The following ARSD variants were observed in gnomAD, a reference collection of about 807,000 sequenced individuals.
ARSD encodes arylsulfatase D.
ARSD carries 21 observed loss-of-function variants against 32.6 expected under a neutral mutation model. That is an observed-to-expected ratio of 0.64 (90% CI 0.46 to 0.93). The LOEUF is 0.93. ARSD is among the 40% of genes least tolerant of loss of function. The probability of loss-of-function intolerance (pLI) is 0.00; values close to 1 mark genes in which losing one functional copy is unlikely to be tolerated. For synonymous variants in ARSD, 224 were observed against 237.4 expected (o/e 0.94, Z 0.52); for missense variants, 454 against 520.9 (o/e 0.87, Z 1.25).
chrX:2,928,145 A>G (rs2089104087), intron 1 of ARSD, among the ~76,000 whole-genome samples: 1 of 110,558 alleles, frequency 9.0e-6, no homozygotes, highest in Admixed American at 9.6e-5. Flanking sequence ...GAAGCTGGGA[A>G]TGCAGGACCC....
chrX:2,926,323 T>C (rs2089082326), intron 1 of ARSD, among the ~76,000 whole-genome samples: 1 of 111,558 alleles, frequency 9.0e-6, no homozygotes, highest in Non-Finnish European at 1.9e-5. Context: ...AGCTTGTTTG[T>C]GGAGGTCTGG....
chrX:2,917,993 A>T lies in ARSD; in HGVS notation c.674T>A (p.Val225Asp), dbSNP rs780795474. The T allele has an allele frequency of 1.5e-5, 18 of 1,209,746 alleles. No individual in the cohort carries two copies. The highest frequency in any genetic ancestry group is 2.0e-5 in the Non-Finnish European group (18 of 894,371). ...CATGCCGGTGACTGCTCTCGCGGAGACAGAGAAGAAACCGCAGGTCTGGCC... is the reference window on the plus strand; with the variant it reads ...CATGCCGGTGACTGCTCTCGCGGAGTCAGAGAAGAAACCGCAGGTCTGGCC... ...AAGQTCGFFS[V>D]SARAVTGMAG... The change falls in exon 5 of 10, where the codon GTC becomes GAC. Residue 225 changes from valine to aspartate, a missense_variant. Physicochemically the swap from Val to Asp is radical, Grantham distance 152 (BLOSUM62 -3). This residue lies in a region of ARSD where 271 missense variants were observed against 301.0 expected (regional missense o/e 0.90). Transcript: ENST00000381154.
At chrX:2,928,393 G>C (rs1320676988) in intron 1 of ARSD, among the ~76,000 whole-genome samples, 4 of 97,826 alleles carry the variant, frequency 4.1e-5, no homozygotes, top group African/African-American at 1.5e-4. Flanking sequence ...CGAGCGTGTT[G>C]GGGGAGTCAC....
intron 1 of ARSD, 32 bp from the exon 2 acceptor site, chrX:2,925,797 A>G: frequency 8.3e-7 from 1 of 1,202,138 alleles, no homozygotes; most frequent in South Asian, 1.8e-5. Flanking sequence ...AGAAATGACT[A>G]TCTACAATTT....
chrX:2,907,198 T>C lies in ARSD; in HGVS notation c.*73A>G, dbSNP rs1432430605. The C allele has an allele frequency of 9.6e-7, 1 of 1,036,781 alleles. No individual in the cohort carries two copies. The highest frequency in any genetic ancestry group is 1.9e-5 in the African/African-American group (1 of 53,020). The allele number at this position is 1,036,781 out of a possible 1,213,427, so 85.4% of individuals were successfully genotyped here. A position where few individuals can be genotyped will look rare whatever the true frequency, so the allele number is the denominator to read the frequency against. On this transcript the variant is annotated 3_prime_UTR_variant, in exon 10 of 10. Transcript: ENST00000381154. Reference sequence around the variant, plus strand: ...TCCTTGCAAAAAGGGAAGCTGAAGATAGAACCAAGCTTGGAGAATTTTGTT... The same window carrying C: ...TCCTTGCAAAAAGGGAAGCTGAAGACAGAACCAAGCTTGGAGAATTTTGTT...
intron 6 of ARSD, among the ~76,000 whole-genome samples, chrX:2,915,247 C>T (rs1262409575): frequency 3.6e-5 from 4 of 111,321 alleles, no homozygotes; most frequent in East Asian, 2.8e-4. Context: ...CTCTGCCTCC[C>T]GTGTTAAAGC....
At chrX:2,925,825 T>C (rs2089077912) in intron 1 of ARSD, 60 bp from the exon 2 acceptor site, 1 of 1,121,998 alleles carries the variant, frequency 8.9e-7, no homozygotes, top group African/African-American at 1.8e-5. Context: ...GAAGTAGGCA[T>C]TTCAAGGCAG....
chrX:2,918,244 T>G lies in ARSD; in HGVS notation c.440-17A>C. The G allele has an allele frequency of 8.8e-7, 1 of 1,135,503 alleles. No individual in the cohort carries two copies. The highest frequency in any genetic ancestry group is 3.1e-5 in the East Asian group (1 of 32,501). 93.6% of individuals were successfully genotyped at this position (1,135,503 alleles called of 1,213,427 possible). A position where few individuals can be genotyped will look rare whatever the true frequency, so the allele number is the denominator to read the frequency against. On this transcript the variant is annotated splice_polypyrimidine_tract_variant and intron_variant, in intron 4 of 9. Transcript: ENST00000381154. ...GCCATTTTCCTAAAAGAAACGCAAA[T>G]GTTCAACAGAGACCCGCTTTGAAGC...
chrX:2,928,764 C>A (rs2089117858), intron 1 of ARSD, among the ~76,000 whole-genome samples: 1 of 67,466 alleles, frequency 1.5e-5, no homozygotes, highest in Non-Finnish European at 2.8e-5. Flanking sequence ...GGACGGGGCG[C>A]GTCTTAGTGG....
chrX:2,911,938 C>T (rs981008459), intron 6 of ARSD, among the ~76,000 whole-genome samples: 1 of 111,511 alleles, frequency 9.0e-6, no homozygotes, highest in African/African-American at 3.3e-5. Context: ...GAGTTCAAGA[C>T]CAGCCTGGGC....
intron 9 of ARSD, 101 bp downstream of exon 9, chrX:2,908,620 A>G (rs1233289731): frequency 1.0e-5 from 9 of 887,480 alleles, no homozygotes; most frequent in Non-Finnish European, 1.4e-5. Context: ...CCATCCATCC[A>G]TCCATCCATT....
At chrX:2,914,420 G>A (rs79305871) in intron 6 of ARSD, 2 of 177,343 alleles carry the variant, frequency 1.1e-5, no homozygotes, top group Non-Finnish European at 6.6e-6. Flanking sequence ...TGTAGAGATG[G>A]GGGGGGGGGG....
chrX:2,904,796 A>G lies in ARSD; in HGVS notation c.*2475T>C. 5.9e-6 allele frequency: 1 copy of G among 170,173 alleles called. No individual in the cohort carries two copies. The highest frequency in any genetic ancestry group is 1.1e-5 in the Non-Finnish European group (1 of 91,079). 14.0% of individuals were successfully genotyped at this position (170,173 alleles called of 1,213,427 possible). ...GGCTGGGATTGTTGGGATTGTTTGA[A>G]TGGTTGAGCGTGAAAGACTTGTTAT... On this transcript the variant is annotated 3_prime_UTR_variant, in exon 10 of 10. Coordinates refer to ENST00000381154, the MANE Select transcript of ARSD (RefSeq NM_001669.4).
Position 2,918,170 on chromosome X carries a change from A to T in ARSD, c.497T>A (p.Leu166Gln), listed in dbSNP as rs73632977. 4.9e-5 allele frequency: 58 copies of T among 1,193,670 alleles called. No individual in the cohort carries two copies. Among genetic ancestry groups the T allele is most frequent in the Admixed American group, 1.1e-4 (5 of 44,686 alleles). ...ASRGDHCHHP[L>Q]NHGFDYFYGM... ...GTAGAAATAGTCAAATCCGTGGTTC[A>T]GGGGGTGGTGGCAGTGATCCCCGCG... Residue 166 changes from leucine (L) to glutamine (Q), a missense_variant, in exon 5 of 10, where the codon CTG becomes CAG. By Grantham distance (113) the Leu-to-Gln change is moderately radical. Around this residue, in one of 3 missense-constraint regions of ARSD, gnomAD observed 271 missense variants for 301.0 expected, o/e 0.90. Transcript: ENST00000381154.
At position 2,929,308 on chromosome X, in the gene ARSD, C is replaced by G; in HGVS notation, c.-33G>C. On this transcript the variant is annotated 5_prime_UTR_variant, in exon 1 of 10. Coordinates refer to ENST00000381154, the MANE Select transcript of ARSD (RefSeq NM_001669.4). ...CGCTGGCCCAGAGCGCAGGACCTTG[C>G]CCTGCGCACTCCGCGCCCGGGCGCC... The G allele has an allele frequency of 2.1e-6, 2 of 950,696 alleles. No homozygotes were observed. The highest frequency in any genetic ancestry group is 9.4e-5 in the South Asian group (2 of 21,176). 78.3% of individuals were successfully genotyped at this position (950,696 alleles called of 1,213,427 possible). A position where few individuals can be genotyped will look rare whatever the true frequency, so the allele number is the denominator to read the frequency against.
rs796393811 is a variant in ARSD, at chrX:2,921,338, ATCTG to A, written c.316+561_316+564del. On this transcript the variant is annotated intron_variant, in intron 3 of 9. Coordinates refer to ENST00000381154, the MANE Select transcript of ARSD (RefSeq NM_001669.4). The stretch of plus-strand genomic sequence containing the variant: ...TATCAATCAGCTATCATTATCTATC[ATCTG>A]TCTATCACTTATCTTTCTATCATCA... Among the ~76,000 whole-genome samples the A allele has an allele frequency of 1.3e-4, 15 of 111,619 alleles. No individual in the cohort carries two copies. In the South Asian group the frequency reaches 1.9e-3, roughly 14 times the overall value.
At chrX:2,908,535 C>CT (rs199839957) in intron 9 of ARSD, among the ~76,000 whole-genome samples, 186 bp downstream of exon 9, 7,996 of 68,252 alleles carry the variant, frequency 0.12, 608 homozygotes, top group East Asian at 0.44. Context: ...CTCTCTCTCT[C>CT]CCCCCCCCAT....
chrX:2,924,697 G>A (rs1569092677), intron 2 of ARSD, among the ~76,000 whole-genome samples: 2 of 112,470 alleles, frequency 1.8e-5, no homozygotes, highest in African/African-American at 3.2e-5. Flanking sequence ...TGTCTTTGGA[G>A]TTGTTATTAG....
intron 6 of ARSD, chrX:2,913,568 T>C (rs1016258753): frequency 5.0e-6 from 5 of 992,853 alleles, no homozygotes; most frequent in Non-Finnish European, 6.6e-6. Flanking sequence ...TCTGCAAGGA[T>C]TTTAATATCT....
Sources: allele counts gnomAD v4.1 joint callset (sites outside exome capture counted in the v4.1 genomes callset), GRCh38; gene constraint gnomAD v4.1.1; regional missense constraint gnomAD v4.1.1; transcripts MANE v1.5; gene names NCBI Gene and HGNC (gene_info 2026-07-23, HGNC 2026-07-21).